Variants in TMPRSS9 observed in about 807,000 individuals in gnomAD.
The protein encoded by TMPRSS9 is transmembrane serine protease 9, also known as transmembrane protease serine 9.
In TMPRSS9, 113 loss-of-function variants were observed where a neutral mutation model predicts 111.4. That is an observed-to-expected ratio of 1.01 (90% CI 0.87 to 1.19). TMPRSS9 has a LOEUF of 1.19. Among genes scored for constraint, TMPRSS9 ranks in the 50% most tolerant of loss-of-function variants. The pLI is 0.00. For synonymous variants in TMPRSS9, 805 were observed against 659.1 expected (o/e 1.22, Z -3.39); for missense variants, 1,803 against 1,513.1 (o/e 1.19, Z -3.18).
Position 2,395,916 on chromosome 19 carries a change from G to A in TMPRSS9, c.143-623G>A, listed in dbSNP as rs534925301. 4.3e-4 allele frequency among the ~76,000 whole-genome samples: 66 copies of A among 152,288 alleles called. 2 individuals carry two copies. In the South Asian group the frequency reaches 0.013, roughly 31 times the overall value. ...CCAGCTACTCGGGAGGCTGAGGCAG[G>A]AGAATGGCATGAACCCGGGAGGCGC... On this transcript the variant is annotated intron_variant, in intron 1 of 17. Coordinates refer to ENST00000648592, the Ensembl canonical transcript of TMPRSS9.
chr19:2,423,630 G>A (rs111558311), intron 14 of TMPRSS9, among the ~76,000 whole-genome samples: 10 of 152,168 alleles, frequency 6.6e-5, no homozygotes, highest in African/African-American at 2.2e-4. Flanking sequence ...AACCACCCAC[G>A]TGTTCTTTCC....
At chr19:2,363,342 C>G (rs189808793) in intron 1 of TMPRSS9, among the ~76,000 whole-genome samples, 1 of 152,224 alleles carries the variant, frequency 6.6e-6, no homozygotes, top group African/African-American at 2.4e-5. Context: ...CTTGCAGGAA[C>G]GCTGGAGCAT....
rs1028980219 is a variant in TMPRSS9 at position 2,415,610 on chromosome 19, CG to C, written c.1574-58del. ...AACCGGTGTCCTGGGACCACCCCACCGGATGCTCCCACCCGAGCAGGCCAAG... is the reference window on the plus strand; with the variant it reads ...AACCGGTGTCCTGGGACCACCCCACCGATGCTCCCACCCGAGCAGGCCAAG... On this transcript the variant is annotated intron_variant, in intron 10 of 17. Coordinates refer to ENST00000648592, the Ensembl canonical transcript of TMPRSS9. 63 of 1,411,058 alleles carry C rather than the reference CG, an allele frequency of 4.5e-5. No individual in the cohort carries two copies. The African/African-American group carries it at 8.0e-4, about 18-fold the overall frequency. 87.4% of individuals were successfully genotyped at this position (1,411,058 alleles called of 1,614,324 possible). A position where few individuals can be genotyped will look rare whatever the true frequency, so the allele number is the denominator to read the frequency against.
intron 12 of TMPRSS9, 38 bp downstream of exon 13, chr19:2,416,847 TC>T: frequency 6.4e-7 from 1 of 1,570,798 alleles, no homozygotes; most frequent in South Asian, 1.2e-5. Flanking sequence ...GTGGATTTAT[TC>T]TCCAGGGCCT....
At chr19:2,382,010 T>A (rs1367458503) in intron 1 of TMPRSS9, among the ~76,000 whole-genome samples, 1 of 148,402 alleles carries the variant, frequency 6.7e-6, no homozygotes, top group Non-Finnish European at 1.5e-5. Context: ...GCCCAGCTAA[T>A]TTTGTATTTT....
At chr19:2,420,358 C>T (rs1290190740) in intron 13 of TMPRSS9, among the ~76,000 whole-genome samples, 1 of 149,462 alleles carries the variant, frequency 6.7e-6, no homozygotes, top group African/African-American at 2.5e-5. Flanking sequence ...AGGAGAATTG[C>T]TTGAGCCCAG....
Position 2,410,534 on chromosome 19 carries a change from G to C in TMPRSS9, c.1254+140G>C, listed in dbSNP as rs143286611. On this transcript the variant is annotated intron_variant, in intron 9 of 17. Coordinates refer to ENST00000648592, the Ensembl canonical transcript of TMPRSS9. ...ACCCCAGAAAAACACAGACACGAGC[G>C]TGTTCAAATGCTGGGCGATTCACAG... The C allele has an allele frequency of 1.5e-3, 1,819 of 1,221,870 alleles. 16 individuals are homozygous for C. The African/African-American group carries it at 0.025, about 17-fold the overall frequency. The allele number at this position is 1,221,870 out of a possible 1,614,324, so 75.7% of individuals were successfully genotyped here. A position where few individuals can be genotyped will look rare whatever the true frequency, so the allele number is the denominator to read the frequency against.
intron 1 of TMPRSS9, among the ~76,000 whole-genome samples, chr19:2,366,020 T>G (rs1459317590): frequency 1.3e-4 from 20 of 151,562 alleles, no homozygotes; most frequent in Admixed American, 1.3e-3. Context: ...GAGAAGAAAT[T>G]TAGAAGCTCA....
At chr19:2,363,075 C>T (rs953377965) in intron 1 of TMPRSS9, among the ~76,000 whole-genome samples, 35 of 152,310 alleles carry the variant, frequency 2.3e-4, no homozygotes, top group African/African-American at 8.2e-4. Flanking sequence ...CAGAGCCTCA[C>T]GCCGCCTGCT....
intron 9 of TMPRSS9, among the ~76,000 whole-genome samples, 165 bp from the exon 11 acceptor site, chr19:2,413,535 G>A (rs1274996948): frequency 2.0e-5 from 3 of 152,198 alleles, no homozygotes; most frequent in Admixed American, 2.0e-4. Context: ...CCACAGAAGA[G>A]GAAACAGGTT....
intron 14 of TMPRSS9, 27 bp from the exon 16 acceptor site, chr19:2,424,062 C>T: frequency 8.0e-7 from 1 of 1,257,208 alleles, no homozygotes; most frequent in Non-Finnish European, 1.0e-6. Context: ...CTGGGTCCGC[C>T]TGCCCACGCG....
intron 1 of TMPRSS9, among the ~76,000 whole-genome samples, chr19:2,369,299 CT>C (rs1970271831): frequency 1.3e-5 from 2 of 152,118 alleles, no homozygotes; most frequent in South Asian, 4.1e-4. Flanking sequence ...GAAAGTGGAG[CT>C]GCTGTCTGAG....
chr19:2,416,262 G>A (rs929213184), intron 11 of TMPRSS9: 7 of 515,942 alleles, frequency 1.4e-5, no homozygotes, highest in African/African-American at 4.1e-5. Context: ...TCATAAAGCT[G>A]TAGGGGGTTG....
chr19:2,397,437 C>G (rs1257792806), intron 2 of TMPRSS9, among the ~76,000 whole-genome samples: 2 of 151,990 alleles, frequency 1.3e-5, no homozygotes, highest in African/African-American at 4.8e-5. Context: ...GTTACAGGCA[C>G]CCACCACCTA....
chr19:2,412,356 A>G (rs1971115171), intron 9 of TMPRSS9, among the ~76,000 whole-genome samples: 1 of 152,136 alleles, frequency 6.6e-6, no homozygotes, highest in African/African-American at 2.4e-5. Context: ...GTAAGCCAAG[A>G]TCACGCCACT....
rs544219321 is a variant in TMPRSS9, at chr19:2,414,135, A to G, written c.1573+117A>G. The G allele has an allele frequency of 2.5e-5, 28 of 1,102,264 alleles. No individual in the cohort carries two copies. The Admixed American group carries it at 4.6e-4, about 18-fold the overall frequency. The allele number at this position is 1,102,264 out of a possible 1,614,324, so 68.3% of individuals were successfully genotyped here. ...ATCTTCCTGTTCAAGGAAAGGTCAC[A>G]TGTGTATCCGTTTATTCCCATCTTA... On this transcript the variant is annotated intron_variant, in intron 10 of 17. Coordinates refer to ENST00000648592, the Ensembl canonical transcript of TMPRSS9.
chr19:2,425,381 A>C (rs762223173), exon 17 of TMPRSS9: 8 of 1,541,954 alleles, frequency 5.2e-6, no homozygotes, highest in Non-Finnish European at 1.7e-6. Context: ...CAGCTGCAGA[A>C]GGCGGCCGTG....
At chr19:2,376,333 C>G (rs1167383840) in intron 1 of TMPRSS9, among the ~76,000 whole-genome samples, 1 of 152,202 alleles carries the variant, frequency 6.6e-6, no homozygotes, top group African/African-American at 2.4e-5. Context: ...TCTCCATGCC[C>G]TTCACTCAGT....
chr19:2,415,820 C>A (rs749027346), exon 11 of TMPRSS9: 36 of 1,597,566 alleles, frequency 2.3e-5, no homozygotes, highest in Non-Finnish European at 3.1e-5. Context: ...TGGCTGCTGT[C>A]TGCCGCCCAC....
Sources: gnomAD v4.1 joint callset for allele counts (sites outside exome capture counted in the v4.1 genomes callset) on GRCh38, gnomAD v4.1.1 for gene constraint, MANE v1.5 for transcripts, NCBI Gene and HGNC (gene_info 2026-07-23, HGNC 2026-07-21) for gene names.